The following ANK3 variants were observed in gnomAD, a reference collection of about 807,000 sequenced individuals.
ANK3 encodes ankyrin-3.
ANK3 carries 57 observed loss-of-function variants against 370.9 expected under a neutral mutation model. The observed-to-expected ratio is 0.15, with a 90% CI of 0.12 to 0.19. The LOEUF (loss-of-function observed/expected upper bound fraction) is 0.19. Among genes scored for constraint, ANK3 ranks in the 10% least tolerant of loss-of-function variants. The pLI is 1.00. For missense variants in ANK3, 4,439 were observed against 5,302.1 expected, an observed-to-expected ratio of 0.84 and a Z score of 5.06; for synonymous variants, 1,929 against 1,946.3, an observed-to-expected ratio of 0.99 and a Z score of 0.23.
rs2072698764 is a variant in ANK3 at position 60,029,007 on chromosome 10, G to A, written c.*839C>T. Reference sequence around the variant, plus strand: ...ATTGGAAAAGATTTAATCAAAATAAGGTGATACACATGCATCAAAATATTA... The same window carrying A: ...ATTGGAAAAGATTTAATCAAAATAAAGTGATACACATGCATCAAAATATTA... On this transcript the variant is annotated 3_prime_UTR_variant, in exon 44 of 44. Transcript: ENST00000280772. The A allele has an allele frequency of 6.6e-6, 1 of 152,358 alleles. No individual in the cohort carries two copies. Among genetic ancestry groups the A allele is most frequent in the South Asian group, 2.1e-4 (1 of 4,822 alleles). 9.4% of individuals were successfully genotyped at this position (152,358 alleles called of 1,614,324 possible).
At chr10:60,347,014 C>T (rs1482568821) in intron 1 of ANK3, among the ~76,000 whole-genome samples, 1 of 69,442 alleles carries the variant, frequency 1.4e-5, no homozygotes, top group African/African-American at 3.7e-5. Context: ...TAGTTTCTAT[C>T]TAGTATGTAT....
intron 2 of ANK3, among the ~76,000 whole-genome samples, chr10:60,554,811 G>A (rs1350004148): frequency 6.6e-5 from 10 of 152,034 alleles, no homozygotes; most frequent in Admixed American, 6.6e-4. Flanking sequence ...ATTATACACA[G>A]TTTGAATAAT....
intron 10 of ANK3, among the ~76,000 whole-genome samples, chr10:60,206,900 C>G (rs1474005858): frequency 1.3e-5 from 2 of 152,222 alleles, no homozygotes; most frequent in Non-Finnish European, 2.9e-5. Context: ...CGAGGCTTCT[C>G]AGACCATTTG....
At chr10:60,282,643 C>T (rs530346551) in intron 1 of ANK3, among the ~76,000 whole-genome samples, 45 of 152,150 alleles carry the variant, frequency 3.0e-4, no homozygotes, top group African/African-American at 1.0e-3. Flanking sequence ...CTCTGGTGGA[C>T]GCCTTCATTA....
intron 28 of ANK3, among the ~76,000 whole-genome samples, chr10:60,100,276 G>T (rs1367067896): frequency 3.0e-5 from 2 of 66,934 alleles, no homozygotes; most frequent in African/African-American, 1.3e-4. Flanking sequence ...CCACAGTCCT[G>T]ATTTGGTTAA....
At chr10:60,583,518 GT>G (rs970464761) in intron 2 of ANK3, among the ~76,000 whole-genome samples, 5 of 105,766 alleles carry the variant, frequency 4.7e-5, no homozygotes, top group South Asian at 6.8e-4. Context: ...TTTGTTTTTT[GT>G]TTTTTGTTTT....
intron 2 of ANK3, among the ~76,000 whole-genome samples, chr10:60,515,117 A>C (rs2076186234): frequency 6.6e-6 from 1 of 152,204 alleles, no homozygotes. Context: ...AGTTCTGATC[A>C]GGAAACTATA....
At chr10:60,610,523 C>A (rs1482674198) in intron 2 of ANK3, among the ~76,000 whole-genome samples, 2 of 151,876 alleles carry the variant, frequency 1.3e-5, no homozygotes, top group Non-Finnish European at 2.9e-5. Flanking sequence ...AAAATGCTTC[C>A]CGAATAAAAT....
In ANK3 at chr10:60,219,939, T is replaced by C. The variant is rs184797217; in HGVS notation, c.898-6429A>G. 1.8e-3 allele frequency among the ~76,000 whole-genome samples: 275 copies of C among 152,346 alleles called. 1 individual carries two copies. The highest frequency in any genetic ancestry group is 3.1e-3 in the Non-Finnish European group (209 of 68,026). ...GTACATGGCCTAATTTGAACATTCTTTGGAGCACGTTTATATCTTCTGCCT... is the reference window on the plus strand; with the variant it reads ...GTACATGGCCTAATTTGAACATTCTCTGGAGCACGTTTATATCTTCTGCCT... On this transcript the variant is annotated intron_variant, in intron 8 of 43. Coordinates refer to ENST00000280772, the MANE Select transcript of ANK3 (RefSeq NM_020987.5).
chr10:60,368,627 C>A (rs1566884843), intron 1 of ANK3, among the ~76,000 whole-genome samples: 1 of 152,068 alleles, frequency 6.6e-6, no homozygotes, highest in African/African-American at 2.4e-5. Flanking sequence ...CAAATGAAAA[C>A]AAGAAAGAAA....
chr10:60,242,228 GAA>G (rs2097475159), intron 7 of ANK3, among the ~76,000 whole-genome samples: 1 of 152,018 alleles, frequency 6.6e-6, no homozygotes, highest in African/African-American at 2.4e-5. Context: ...CTACTTTTAG[GAA>G]AAAGAGAAGC....
intron 2 of ANK3, among the ~76,000 whole-genome samples, chr10:60,460,232 G>A (rs10740028): frequency 0.35 from 53,766 of 151,890 alleles, 9,649 homozygotes; most frequent in South Asian, 0.47. Context: ...ATCACTTGCC[G>A]TCAGGAGCAA....
intron 1 of ANK3, among the ~76,000 whole-genome samples, chr10:60,675,276 T>G (rs1225014346): frequency 6.6e-6 from 1 of 152,208 alleles, no homozygotes; most frequent in Non-Finnish European, 1.5e-5. Context: ...TACATATTTA[T>G]CCTATAAGGA....
intron 1 of ANK3, among the ~76,000 whole-genome samples, chr10:60,688,717 G>T (rs1347170290): frequency 6.6e-6 from 1 of 152,174 alleles, no homozygotes; most frequent in African/African-American, 2.4e-5. Context: ...AGGAGGCCGA[G>T]GCGGGCGGAT....
chr10:60,214,335 T>C (rs2096901889), intron 8 of ANK3, among the ~76,000 whole-genome samples: 1 of 152,166 alleles, frequency 6.6e-6, no homozygotes, highest in South Asian at 2.1e-4. Context: ...ATTCTCTGAA[T>C]TCCATGTGAA....
chr10:60,696,281 G>A (rs2079448085), intron 1 of ANK3, among the ~76,000 whole-genome samples: 1 of 149,482 alleles, frequency 6.7e-6, no homozygotes, highest in Non-Finnish European at 1.5e-5. Flanking sequence ...ACCAAAAAGA[G>A]TCCAGGACCA....
intron 8 of ANK3, among the ~76,000 whole-genome samples, chr10:60,219,237 C>T (rs1389576026): frequency 1.3e-5 from 2 of 151,932 alleles, no homozygotes; most frequent in East Asian, 3.9e-4. Flanking sequence ...GCTCCTTTAG[C>T]TCAGTGTAGT....
chr10:60,461,130 C>T (rs112289092), intron 2 of ANK3, among the ~76,000 whole-genome samples: 29 of 152,264 alleles, frequency 1.9e-4, no homozygotes, highest in Non-Finnish European at 2.6e-4. Context: ...TCTCTCAGCA[C>T]GTCACATCCT....
At chr10:60,728,827 C>T (rs1589087053) in intron 1 of ANK3, among the ~76,000 whole-genome samples, 1 of 152,234 alleles carries the variant, frequency 6.6e-6, no homozygotes, top group East Asian at 1.9e-4. Context: ...GTATAGTCTT[C>T]CTGAAGGTCA....
Sources: gnomAD v4.1 joint callset for allele counts (sites outside exome capture counted in the v4.1 genomes callset) on GRCh38, gnomAD v4.1.1 for gene constraint, MANE v1.5 for transcripts, NCBI Gene and HGNC (gene_info 2026-07-23, HGNC 2026-07-21) for gene names.